Variants in RBFOX1 observed in about 807,000 individuals in gnomAD.
The protein encoded by RBFOX1 is RNA binding fox-1 homolog 1.
Under a neutral mutation model 57.7 loss-of-function variants are expected in RBFOX1, and 8 were observed. That is an observed-to-expected ratio of 0.14 (90% CI 0.08 to 0.25). The LOEUF is 0.25. Among genes scored for constraint, RBFOX1 ranks in the 10% least tolerant of loss-of-function variants. RBFOX1 has a pLI of 1.00. For missense variants in RBFOX1, 611 were observed against 548.5 expected (o/e 1.11, Z -1.14); for synonymous variants, 326 against 222.4 (o/e 1.47, Z -4.15).
chr16:6,583,131 C>T (rs1373941723), intron 2 of RBFOX1, among the ~76,000 whole-genome samples: 6 of 152,156 alleles, frequency 3.9e-5, no homozygotes, highest in Non-Finnish European at 8.8e-5. Context: ...GCATTCTCCA[C>T]TCAGAAAGCC....
At chr16:5,996,592 G>C (rs1369054342) in intron 4 of RBFOX1, among the ~76,000 whole-genome samples, 3 of 152,078 alleles carry the variant, frequency 2.0e-5, no homozygotes, top group Non-Finnish European at 4.4e-5. Context: ...CAGGGAATGG[G>C]GAAATCACAA....
intron 2 of RBFOX1, among the ~76,000 whole-genome samples, chr16:6,599,835 G>T (rs933456689): frequency 1.3e-5 from 2 of 152,190 alleles, no homozygotes; most frequent in African/African-American, 2.4e-5. Context: ...AGCTTAGAGA[G>T]CTGTGAGCAT....
intron 3 of RBFOX1, among the ~76,000 whole-genome samples, chr16:6,740,863 C>G (rs768795361): frequency 1.3e-5 from 2 of 152,042 alleles, no homozygotes; most frequent in Non-Finnish European, 2.9e-5. Flanking sequence ...TAAATATAGA[C>G]AAGATTATCT....
chr16:5,465,227 G>A (rs2068917262), intron 1 of RBFOX1, among the ~76,000 whole-genome samples: 4 of 152,112 alleles, frequency 2.6e-5, no homozygotes, highest in African/African-American at 9.7e-5. Context: ...CTTGTAGGTG[G>A]CCATCTCCTT....
At chr16:5,462,985 T>G (rs2151599672) in intron 1 of RBFOX1, among the ~76,000 whole-genome samples, 1 of 152,358 alleles carries the variant, frequency 6.6e-6, no homozygotes, top group South Asian at 2.1e-4. Context: ...TTGATACATT[T>G]ATAAAAAGAA....
chr16:6,116,946 A>G (rs915322556), intron 1 of RBFOX1, among the ~76,000 whole-genome samples: 2 of 152,172 alleles, frequency 1.3e-5, no homozygotes, highest in Non-Finnish European at 2.9e-5. Context: ...CAGTAAAGGT[A>G]TTGGGATAAT....
At chr16:7,345,495 A>G (rs920963664) in intron 4 of RBFOX1, among the ~76,000 whole-genome samples, 1 of 152,304 alleles carries the variant, frequency 6.6e-6, no homozygotes, top group Admixed American at 6.5e-5. Flanking sequence ...GTTTTGGCAG[A>G]CAGTTCCCAC....
intron 1 of RBFOX1, among the ~76,000 whole-genome samples, chr16:5,364,789 T>C (rs2065662159): frequency 6.6e-6 from 1 of 152,168 alleles, no homozygotes. Context: ...GGTGCTGCTT[T>C]AAAGATGGGG....
At chr16:6,995,290 TTGTGTGTGTGTGTGTG>T (rs57039390) in intron 3 of RBFOX1, among the ~76,000 whole-genome samples, 6 of 138,328 alleles carry the variant, frequency 4.3e-5, no homozygotes, top group South Asian at 2.5e-4. Context: ...GAAAGTAGCC[TTGTGTGTGTGTGTGTG>T]TGTGTGTGTG....
chr16:6,929,419 C>G (rs190163645), intron 3 of RBFOX1, among the ~76,000 whole-genome samples: 4 of 152,256 alleles, frequency 2.6e-5, no homozygotes, highest in East Asian at 1.9e-4. Context: ...GATGCCTCCA[C>G]CAGGTAAACA....
intron 4 of RBFOX1, among the ~76,000 whole-genome samples, chr16:7,490,112 C>T (rs892325092): frequency 6.6e-6 from 1 of 152,134 alleles, no homozygotes; most frequent in African/African-American, 2.4e-5. Flanking sequence ...CATGTGGCTT[C>T]TGAATGGAGG....
chr16:6,198,497 G>T (rs1031523694), intron 1 of RBFOX1, among the ~76,000 whole-genome samples: 7 of 152,160 alleles, frequency 4.6e-5, no homozygotes, highest in African/African-American at 1.7e-4. Context: ...ATGCTTTTGC[G>T]ATGAGTTATC....
chr16:6,441,710 G>C (rs149057705), intron 2 of RBFOX1, among the ~76,000 whole-genome samples: 1 of 152,076 alleles, frequency 6.6e-6, no homozygotes, highest in Non-Finnish European at 1.5e-5. Flanking sequence ...GAGCCACCTC[G>C]TGCAGTCAGC....
At chr16:7,630,337 C>G (rs1466330883) in intron 10 of RBFOX1, among the ~76,000 whole-genome samples, 3 of 151,758 alleles carry the variant, frequency 2.0e-5, no homozygotes, top group Non-Finnish European at 4.4e-5. Flanking sequence ...TGATCTGAAC[C>G]TGGGCCCTGG....
chr16:7,681,151 G>T (rs1191412799), intron 14 of RBFOX1, among the ~76,000 whole-genome samples: 1 of 152,154 alleles, frequency 6.6e-6, no homozygotes, highest in Non-Finnish European at 1.5e-5. Flanking sequence ...AGAGGATTTA[G>T]TCTTATTTTA....
At chr16:5,483,839 G>A (rs1207813998) in intron 2 of RBFOX1, among the ~76,000 whole-genome samples, 3 of 152,146 alleles carry the variant, frequency 2.0e-5, no homozygotes, top group African/African-American at 7.2e-5. Flanking sequence ...GCTTTGTGGG[G>A]TGCCCTGCCT....
At chr16:7,518,564 C>T (rs902273134) in intron 5 of RBFOX1, among the ~76,000 whole-genome samples, 175 bp downstream of exon 5, 3 of 152,150 alleles carry the variant, frequency 2.0e-5, no homozygotes, top group African/African-American at 7.2e-5. Flanking sequence ...TGCATTCATT[C>T]TTAGCGTTCA....
chr16:6,798,785 T>G (rs1181987835), intron 3 of RBFOX1, among the ~76,000 whole-genome samples: 1 of 152,186 alleles, frequency 6.6e-6, no homozygotes, highest in Non-Finnish European at 1.5e-5. Context: ...GTAGATTTAG[T>G]GGCACCATAG....
intron 4 of RBFOX1, among the ~76,000 whole-genome samples, chr16:7,219,453 G>C (rs973633900): frequency 2.0e-5 from 3 of 152,182 alleles, no homozygotes; most frequent in Non-Finnish European, 4.4e-5. Flanking sequence ...ACCGTCGGCT[G>C]CTCCAACCGT....
Sources: allele counts gnomAD v4.1 joint callset (sites outside exome capture counted in the v4.1 genomes callset), GRCh38; gene constraint gnomAD v4.1.1; transcripts MANE v1.5; gene names NCBI Gene and HGNC (gene_info 2026-07-23, HGNC 2026-07-21).